AVEN: variants seen among roughly 807,000 people sequenced by gnomAD.
AVEN encodes cell death regulator Aven.
AVEN carries 41 observed loss-of-function variants against 38.1 expected under a neutral mutation model. The ratio of observed to expected loss-of-function variants is 1.08; its 90% CI spans 0.84 to 1.40. The LOEUF is 1.40. Among genes scored for constraint, AVEN ranks in the 40% most tolerant of loss-of-function variants. The pLI is 0.00. For synonymous variants in AVEN, 206 were observed against 171.8 expected, an observed-to-expected ratio of 1.20 and a Z score of -1.56; for missense variants, 605 against 438.8, an observed-to-expected ratio of 1.38 and a Z score of -3.38.
intron 2 of AVEN, among the ~76,000 whole-genome samples, chr15:33,968,508 G>C (rs564970843): frequency 3.3e-5 from 5 of 152,192 alleles, no homozygotes; most frequent in Admixed American, 2.0e-4. Context: ...TTCATGCCAA[G>C]TACGCTCACC....
upstream of AVEN, among the ~76,000 whole-genome samples, chr15:34,075,223 T>C (rs1157974977): frequency 7.5e-6 from 1 of 133,728 alleles, no homozygotes; most frequent in Non-Finnish European, 1.6e-5. Context: ...TGAAACTGGG[T>C]AATTTATAAA....
intron 2 of AVEN, among the ~76,000 whole-genome samples, chr15:33,960,443 T>TGA (rs57914477): frequency 8.0e-5 from 12 of 150,680 alleles, no homozygotes; most frequent in African/African-American, 1.9e-4. Flanking sequence ...GTTGTGTGTG[T>TGA]GAGAGAGAGA....
chr15:33,963,810 A>G (rs77644446), intron 2 of AVEN, among the ~76,000 whole-genome samples: 12 of 150,820 alleles, frequency 8.0e-5, no homozygotes, highest in African/African-American at 2.9e-4. Context: ...AAAAAAAAAA[A>G]AAAGAAAACG....
At chr15:33,872,346 C>G (rs1891005517) in intron 3 of AVEN, among the ~76,000 whole-genome samples, 1 of 152,186 alleles carries the variant, frequency 6.6e-6, no homozygotes, top group Non-Finnish European at 1.5e-5. Context: ...AGAAAAGAAC[C>G]CGCTATATAC....
intron 2 of AVEN, among the ~76,000 whole-genome samples, chr15:33,987,412 A>T (rs1896523914): frequency 6.6e-6 from 1 of 152,220 alleles, no homozygotes; most frequent in Non-Finnish European, 1.5e-5. Flanking sequence ...AACAATGGAC[A>T]GCCACCAGAC....
Position 33,866,579 on chromosome 15 carries a change from C to CCAAGATTT in AVEN, c.*26_*33dup, listed in dbSNP as rs1597161943. 1 of 1,561,478 alleles carries CCAAGATTT rather than the reference C, an allele frequency of 6.4e-7. No individual in the cohort carries two copies. Among genetic ancestry groups the CCAAGATTT allele is most frequent in the Non-Finnish European group, 8.8e-7 (1 of 1,133,706 alleles). On this transcript the variant is annotated 3_prime_UTR_variant, in exon 6 of 6. Coordinates refer to ENST00000306730, the MANE Select transcript of AVEN (RefSeq NM_020371.3). The stretch of plus-strand genomic sequence containing the variant: ...ATGCCCACCTGCCGTTAGAAGGCAA[C>CCAAGATTT]CAAGATTTGCTTCAGGCACTTTTTT...
intron 1 of AVEN, among the ~76,000 whole-genome samples, chr15:34,004,325 A>G (rs991282236): frequency 3.0e-4 from 45 of 147,672 alleles, no homozygotes; most frequent in Admixed American, 2.7e-4. Context: ...GCACAATGTG[A>G]ACAATTCTAG....
rs767198790 is a variant in AVEN at position 34,003,135 on chromosome 15, A to G, written c.342T>C (p.Ile114=). The G allele has an allele frequency of 6.2e-7, 1 of 1,613,864 alleles. No individual in the cohort carries two copies. Reference sequence around the variant, plus strand: ...CTTGATATCGATCCCAGTTAGAGACAATCTTTCTTTTAGAATAATTTCCCT... The same window carrying G: ...CTTGATATCGATCCCAGTTAGAGACGATCTTTCTTTTAGAATAATTTCCCT... ...DEQGNYSKRK[I]VSNWDRYQDI... Residue 114 remains isoleucine (I), a synonymous_variant, in exon 2 of 6, where the codon ATT becomes ATC. Coordinates refer to ENST00000306730, the MANE Select transcript of AVEN (RefSeq NM_020371.3).
At chr15:34,014,426 G>A (rs1200509730) in intron 1 of AVEN, among the ~76,000 whole-genome samples, 1 of 140,678 alleles carries the variant, frequency 7.1e-6, no homozygotes, top group East Asian at 2.1e-4. Context: ...GAAGATGGCA[G>A]CAGCAGCAGT....
chr15:34,047,073 GT>G (rs56218206), intron 5 of AVEN, among the ~76,000 whole-genome samples: 88,573 of 145,084 alleles, frequency 0.61, 32,014 homozygotes, highest in Non-Finnish European at 0.82. Flanking sequence ...TTTTTTGTTG[GT>G]TTTTTTTTTT....
At chr15:33,970,617 T>C (rs1467002384) in intron 2 of AVEN, among the ~76,000 whole-genome samples, 1 of 151,938 alleles carries the variant, frequency 6.6e-6, no homozygotes, top group Non-Finnish European at 1.5e-5. Context: ...TTCAAAAATA[T>C]GTAGATATTT....
At chr15:33,923,462 T>C (rs1893482820) in intron 2 of AVEN, among the ~76,000 whole-genome samples, 1 of 152,176 alleles carries the variant, frequency 6.6e-6, no homozygotes, top group Admixed American at 6.5e-5. Flanking sequence ...GTTACAAACG[T>C]AGAGCTGAGA....
intron 2 of AVEN, among the ~76,000 whole-genome samples, chr15:33,897,082 A>C (rs1212314111): frequency 6.6e-6 from 1 of 152,182 alleles, no homozygotes; most frequent in African/African-American, 2.4e-5. Flanking sequence ...TACATACTAT[A>C]GGGTTCCATT....
At chr15:33,864,868 G>A, downstream of AVEN, 1 of 427,362 alleles carries the variant, frequency 2.3e-6, no homozygotes. Flanking sequence ...TATGTTTAGT[G>A]GCAAACATTG....
chr15:33,937,257 G>A lies in AVEN; in HGVS notation c.446-61262C>T, dbSNP rs183917138. On this transcript the variant is annotated intron_variant, in intron 2 of 5. Coordinates refer to ENST00000306730, the MANE Select transcript of AVEN (RefSeq NM_020371.3). ...ACATTTTAAAAATTAAATCAGGGCC[G>A]GGCACGGTGGCTCACGCCTGTAATC... Among the ~76,000 whole-genome samples the A allele has an allele frequency of 5.3e-5, 8 of 150,854 alleles. No individual in the cohort carries two copies. In the South Asian group the frequency reaches 6.4e-4, roughly 12 times the overall value.
At chr15:34,056,798 CTT>C (rs1384239741) in intron 5 of AVEN, among the ~76,000 whole-genome samples, 1 of 152,118 alleles carries the variant, frequency 6.6e-6, no homozygotes, top group African/African-American at 2.4e-5. Context: ...AGGCAGATCA[CTT>C]GAGGCCAGGA....
chr15:33,865,364 G>GTGCTATTTTGAAATTGATTTGGC (rs1462075998), downstream of AVEN: 1 of 647,280 alleles, frequency 1.5e-6, no homozygotes, highest in East Asian at 2.8e-5. Flanking sequence ...CTGAAAATCT[G>GTGCTATTTTGAAATTGATTTGGC]TGCTATTTTG....
Position 33,994,467 on chromosome 15 carries a change from T to C in AVEN, c.445+8565A>G, listed in dbSNP as rs560278660. 2.5e-3 allele frequency among the ~76,000 whole-genome samples: 379 copies of C among 152,270 alleles called. 3 individuals carry two copies. The highest frequency in any genetic ancestry group is 8.3e-3 in the African/African-American group (345 of 41,546). On this transcript the variant is annotated intron_variant, in intron 2 of 5. Coordinates refer to ENST00000306730, the MANE Select transcript of AVEN (RefSeq NM_020371.3). The stretch of plus-strand genomic sequence containing the variant: ...GTAATAATAATAGAAATAAAGCACA[T>C]AATAAATGTAACACGCTTGAATCAT...
intron 2 of AVEN, among the ~76,000 whole-genome samples, chr15:33,995,048 G>A (rs891466845): frequency 1.3e-5 from 2 of 152,168 alleles, no homozygotes; most frequent in Admixed American, 6.5e-5. Context: ...GATCACTTGA[G>A]ACCAGGAATT....
Sources: allele counts gnomAD v4.1 joint callset (sites outside exome capture counted in the v4.1 genomes callset), GRCh38; gene constraint gnomAD v4.1.1; transcripts MANE v1.5; gene names NCBI Gene and HGNC (gene_info 2026-07-23, HGNC 2026-07-21).